Variants in OR10G3 observed in about 807,000 individuals in gnomAD.
OR10G3 encodes olfactory receptor 10G3.
OR10G3 carries 8 observed loss-of-function variants against 13.4 expected under a neutral mutation model. The ratio of observed to expected loss-of-function variants is 0.60; its 90% CI spans 0.35 to 1.08. OR10G3 has a LOEUF of 1.08. Among genes scored for constraint, OR10G3 ranks in the 50% least tolerant of loss-of-function variants. The probability of loss-of-function intolerance (pLI) is 0.02; values close to 1 mark genes in which losing one functional copy is unlikely to be tolerated. For missense variants in OR10G3, 393 were observed against 386.6 expected (o/e 1.02, Z -0.14); for synonymous variants, 142 against 156.1 (o/e 0.91, Z 0.67).
At chr14:21,571,798 C>T (rs139424087) in intron 1 of OR10G3, among the ~76,000 whole-genome samples, 37 of 151,930 alleles carry the variant, frequency 2.4e-4, no homozygotes, top group African/African-American at 8.5e-4. Context: ...CCTCAGTGTC[C>T]GGGTAGCTGG....
rs376143433 is a variant in OR10G3 at position 21,570,318 on chromosome 14, C to G, written c.427G>C (p.Ala143Pro). ...YPVLMTAKLSALLVAGAWMAG... is the reference protein window; with the variant it reads ...YPVLMTAKLSPLLVAGAWMAG... ...ATCCAGGCTCCAGCCACAAGCAAGG[C>G]GCTCAGCTTAGCAGTCATGAGCACA... is the stretch of plus-strand genomic sequence containing the variant. The change falls in exon 2 of 2, where the codon GCC becomes CCC. Residue 143 changes from alanine (A) to proline (P), a missense_variant. Physicochemically the swap from Ala to Pro is conservative, Grantham distance 27. Coordinates refer to ENST00000641040, the MANE Select transcript of OR10G3 (RefSeq NM_001005465.2). 4.3e-6 allele frequency: 7 copies of G among 1,614,220 alleles called. No homozygotes were observed. The East Asian group carries it at 1.6e-4, about 36-fold the overall frequency.
At chr14:21,579,299 C>A (rs1267276222) in intron 1 of OR10G3, among the ~76,000 whole-genome samples, 1 of 152,064 alleles carries the variant, frequency 6.6e-6, no homozygotes, top group East Asian at 1.9e-4. Flanking sequence ...GGCTGGAATG[C>A]AGTTGTGCCA....
Position 21,568,758 on chromosome 14 carries a change from T to A in OR10G3, c.*1045A>T, listed in dbSNP as rs974503854. 2.6e-5 allele frequency: 4 copies of A among 151,606 alleles called. No individual in the cohort carries two copies. Among genetic ancestry groups the A allele is most frequent in the African/African-American group, 9.7e-5 (4 of 41,296 alleles). 9.4% of individuals were successfully genotyped at this position (151,606 alleles called of 1,614,324 possible). A position where few individuals can be genotyped will look rare whatever the true frequency, so the allele number is the denominator to read the frequency against. On this transcript the variant is annotated 3_prime_UTR_variant, in exon 2 of 2. Coordinates refer to ENST00000641040, the MANE Select transcript of OR10G3 (RefSeq NM_001005465.2). ...CGGAGTCTCACTCTGTCGCCCAGGC[T>A]GGAGTGCAGTGGTGCGATCTCGGCT...
chr14:21,576,344 T>C (rs1040655667), intron 1 of OR10G3, among the ~76,000 whole-genome samples: 42 of 152,186 alleles, frequency 2.8e-4, no homozygotes, highest in African/African-American at 1.0e-3. Flanking sequence ...TCATGGTCCC[T>C]GGAAATGAAA....
At chr14:21,572,020 G>A (rs993593128) in intron 1 of OR10G3, among the ~76,000 whole-genome samples, 2 of 150,078 alleles carry the variant, frequency 1.3e-5, no homozygotes, top group South Asian at 2.1e-4. Flanking sequence ...GGGTGGGCTC[G>A]GTGGCTTATG....
At chr14:21,573,500 C>T (rs535534978) in intron 1 of OR10G3, among the ~76,000 whole-genome samples, 16 of 132,078 alleles carry the variant, frequency 1.2e-4, no homozygotes, top group Middle Eastern at 4.3e-3. Context: ...TGGTGAAACC[C>T]TGTCCTTGCT....
At position 21,570,229 on chromosome 14, in the gene OR10G3, G is replaced by C. The variant is rs760354116; in HGVS notation, c.516C>G (p.Pro172=). The C allele has an allele frequency of 1.2e-6, 2 of 1,614,192 alleles. No individual in the cohort carries two copies. The highest frequency in any genetic ancestry group is 1.7e-6 in the Non-Finnish European group (2 of 1,180,032). ...ILTFRLPYCG[P]NQVDYFFCDI... ...CACAGAAGAAGTAATCCACCTGATT[G>C]GGCCCACAGTAGGGCAGGCGGAAGG... The change falls in exon 2 of 2, where the codon CCC becomes CCG. Residue 172 remains proline, a synonymous_variant. Transcript: ENST00000641040.
chr14:21,572,994 G>A (rs911539702), intron 1 of OR10G3, among the ~76,000 whole-genome samples: 1 of 152,132 alleles, frequency 6.6e-6, no homozygotes, highest in Non-Finnish European at 1.5e-5. Context: ...GCAAAAGAAT[G>A]AAATTGGACC....
Position 21,572,608 on chromosome 14 carries a change from CAAAAAA to C in OR10G3, c.-17-1853_-17-1848del, listed in dbSNP as rs397852312. Reference sequence around the variant, plus strand: ...CGAGACTCCATCTCAAACAAACAAACAAAAAAAAAAAAAAAAAAAAAAAGAAGGAAA... The same window carrying C: ...CGAGACTCCATCTCAAACAAACAAACAAAAAAAAAAAAAAAAAGAAGGAAA... On this transcript the variant is annotated intron_variant, in intron 1 of 1. Transcript: ENST00000641040. 1.6e-3 allele frequency among the ~76,000 whole-genome samples: 178 copies of C among 110,486 alleles called. 1 individual carries two copies. The highest frequency in any genetic ancestry group is 2.4e-3 in the Non-Finnish European group (138 of 57,072). 72.5% of individuals were successfully genotyped at this position (110,486 alleles called of 152,430 possible).
chr14:21,570,455 C>T lies in OR10G3; in HGVS notation c.290G>A (p.Gly97Asp), dbSNP rs779007646. The part of the protein sequence containing the change: ...TLGVKPIPFG[G>D]CVAQLYFYHF... ...ATAGAAATAGAGTTGAGCAACACAG[C>T]CACCAAATGGGATGGGTTTGACACC... Residue 97 changes from glycine to aspartate, a missense_variant, in exon 2 of 2, where the codon GGC (glycine) becomes GAC (aspartate). Gly to Asp is a moderately conservative substitution (Grantham distance 94, BLOSUM62 -1). Transcript: ENST00000641040. 8 of 1,614,024 alleles carry T rather than the reference C, an allele frequency of 5.0e-6. No individual in the cohort carries two copies. The highest frequency in any genetic ancestry group is 6.8e-6 in the Non-Finnish European group (8 of 1,180,050).
At chr14:21,579,609 G>T (rs375022233) in intron 1 of OR10G3, among the ~76,000 whole-genome samples, 177 bp downstream of exon 1, 31 of 152,286 alleles carry the variant, frequency 2.0e-4, no homozygotes, top group African/African-American at 6.3e-4. Flanking sequence ...GAACAGCAAA[G>T]AAAATTTTTG....
In OR10G3 at chr14:21,570,080, A is replaced by G; in HGVS notation, c.665T>C (p.Ile222Thr). 6.2e-7 allele frequency: 1 copy of G among 1,614,200 alleles called. No homozygotes were observed. Among genetic ancestry groups the G allele is most frequent in the Non-Finnish European group, 8.5e-7 (1 of 1,180,036 alleles). The stretch of plus-strand genomic sequence containing the variant: ...GTGGATTCTCAGGATGGCCTGAATG[A>G]TCTGTATGTAGGAGAGGAGGATCAG... ...FSLILLSYIQ[I>T]IQAILRIHTA... The change falls in exon 2 of 2, where the codon ATC becomes ACC. Residue 222 changes from isoleucine to threonine, a missense_variant. Transcript: ENST00000641040.
chr14:21,576,852 A>G (rs781767998), intron 1 of OR10G3, among the ~76,000 whole-genome samples: 1 of 152,202 alleles, frequency 6.6e-6, no homozygotes, highest in Non-Finnish European at 1.5e-5. Flanking sequence ...TTTCAGAACC[A>G]TCTTAAAGGG....
intron 1 of OR10G3, among the ~76,000 whole-genome samples, chr14:21,572,826 A>G (rs1002308161): frequency 6.6e-6 from 1 of 152,130 alleles, no homozygotes; most frequent in Non-Finnish European, 1.5e-5. Flanking sequence ...TTTGATAACT[A>G]TAACTTTATA....
Position 21,573,947 on chromosome 14 carries a change from G to T in OR10G3, c.-17-3186C>A, listed in dbSNP as rs533064429. Among the ~76,000 whole-genome samples, 26 of 152,078 alleles carry T rather than the reference G, an allele frequency of 1.7e-4. No individual in the cohort carries two copies. In the South Asian group the frequency reaches 5.4e-3, roughly 32 times the overall value. On this transcript the variant is annotated intron_variant, in intron 1 of 1. Transcript: ENST00000641040. Reference sequence around the variant, plus strand: ...AAAAATAAAAGTTTAAATAAAACAGGCTTGATGAAAATTTTTACTGAAAAA... The same window carrying T: ...AAAAATAAAAGTTTAAATAAAACAGTCTTGATGAAAATTTTTACTGAAAAA...
In OR10G3 at chr14:21,570,598, G is replaced by C. The variant is rs1248526945; in HGVS notation, c.147C>G (p.Val49=). The change falls in exon 2 of 2, where the codon GTC becomes GTG. Residue 49 remains valine (V), a synonymous_variant. Transcript: ENST00000641040. ...GGGCATGGAGCCTTGGGTCTGCCCA[G>C]ACAGTGATTAAAATAAGCAGGTTTC... ...QLGNLLILIT[V]WADPRLHARP... 2.5e-6 allele frequency: 4 copies of C among 1,614,138 alleles called. No homozygotes were observed. Among genetic ancestry groups the C allele is most frequent in the Admixed American group, 1.7e-5 (1 of 60,014 alleles).
intron 1 of OR10G3, among the ~76,000 whole-genome samples, chr14:21,575,811 A>G (rs1277103308): frequency 6.6e-6 from 1 of 152,202 alleles, no homozygotes; most frequent in Non-Finnish European, 1.5e-5. Flanking sequence ...ACCCCATGCC[A>G]TTTTATCCTC....
intron 1 of OR10G3, among the ~76,000 whole-genome samples, chr14:21,572,336 C>CA (rs1946771027): frequency 8.3e-6 from 1 of 120,778 alleles, no homozygotes; most frequent in Admixed American, 1.1e-4. Flanking sequence ...TGGTGGCTCA[C>CA]GCCTGTAATC....
In OR10G3 at chr14:21,570,529, C is replaced by T. The variant is rs940646850; in HGVS notation, c.216G>A (p.Met72Ile). Residue 72 changes from methionine (M) to isoleucine (I), a missense_variant, in exon 2 of 2, where the codon ATG (methionine) becomes ATA (isoleucine). By Grantham distance (10) the Met-to-Ile change is conservative. Transcript: ENST00000641040. ...IFLGVLSVID[M>I]SISSIIVPRL... is the part of the protein sequence containing the mutation. ...GAGGGACAATGATGGAGGAGATGCT[C>T]ATATCAATGACTGAGAGAACACCAA... The T allele has an allele frequency of 1.9e-6, 3 of 1,613,962 alleles. No homozygotes were observed. In the African/African-American group the frequency reaches 4.0e-5, roughly 22 times the overall value.
Sources: gnomAD v4.1 joint callset for allele counts (sites outside exome capture counted in the v4.1 genomes callset) on GRCh38, gnomAD v4.1.1 for gene constraint, MANE v1.5 for transcripts, NCBI Gene and HGNC (gene_info 2026-07-23, HGNC 2026-07-21) for gene names.